The following DNER variants were observed in gnomAD, a reference collection of about 807,000 sequenced individuals.
The protein encoded by DNER is delta and Notch-like epidermal growth factor-related receptor.
In DNER, 33 loss-of-function variants were observed where a neutral mutation model predicts 78.2. The observed-to-expected ratio is 0.42, with a 90% CI of 0.32 to 0.56. The LOEUF is 0.56. Among genes scored for constraint, DNER ranks in the 20% least tolerant of loss-of-function variants. The probability of loss-of-function intolerance (pLI) is 0.11; values close to 1 mark genes in which losing one functional copy is unlikely to be tolerated. For synonymous variants in DNER, 417 were observed against 384.8 expected (o/e 1.08, Z -0.98); for missense variants, 918 against 975.3 (o/e 0.94, Z 0.78).
At chr2:229,551,410 G>C (rs1696733758) in intron 4 of DNER, among the ~76,000 whole-genome samples, 1 of 152,156 alleles carries the variant, frequency 6.6e-6, no homozygotes, top group Non-Finnish European at 1.5e-5. Context: ...GAGGCAGGTG[G>C]ATCACCTGAG....
At chr2:229,674,282 C>CT (rs1443250633) in intron 1 of DNER, among the ~76,000 whole-genome samples, 7 of 152,164 alleles carry the variant, frequency 4.6e-5, no homozygotes, top group Non-Finnish European at 8.8e-5. Context: ...CAGGACCCTT[C>CT]TTCTTTTTTG....
intron 1 of DNER, among the ~76,000 whole-genome samples, chr2:229,603,596 A>C (rs757508772): frequency 3.9e-5 from 6 of 152,204 alleles, no homozygotes; most frequent in Non-Finnish European, 7.3e-5. Context: ...CCATGCTTGA[A>C]GTCAGAAGAG....
Position 229,407,317 on chromosome 2 carries a change from G to C in DNER, c.1638C>G (p.Pro546=). ...CGTTCAGACAGCTGACGTTAGCGCA[G>C]GGATCCTTGTACAATTCACAGTGTG... The part of the protein sequence containing the change: ...KGTHCELYKD[P]CANVSCLNGA... Residue 546 remains proline, a synonymous_variant, in exon 10 of 13, where the codon CCC becomes CCG. Coordinates refer to ENST00000341772, the MANE Select transcript of DNER (RefSeq NM_139072.4). 5 of 1,613,928 alleles carry C rather than the reference G, an allele frequency of 3.1e-6. No individual in the cohort carries two copies. Among genetic ancestry groups the C allele is most frequent in the Non-Finnish European group, 4.2e-6 (5 of 1,179,848 alleles).
intron 1 of DNER, among the ~76,000 whole-genome samples, chr2:229,708,534 A>C (rs1356989687): frequency 1.3e-5 from 2 of 152,212 alleles, no homozygotes; most frequent in Admixed American, 6.5e-5. Flanking sequence ...TTCTGCAGTC[A>C]CTGCCTCTGG....
intron 8 of DNER, among the ~76,000 whole-genome samples, chr2:229,434,647 A>G (rs1011190949): frequency 1.3e-5 from 2 of 152,122 alleles, no homozygotes; most frequent in African/African-American, 4.8e-5. Context: ...GTGTGTTTTT[A>G]TTTGGTGACT....
chr2:229,561,325 A>G (rs1247122720), intron 4 of DNER, among the ~76,000 whole-genome samples: 1 of 152,162 alleles, frequency 6.6e-6, no homozygotes, highest in Non-Finnish European at 1.5e-5. Context: ...GCTCTAGGGA[A>G]AAAAATTGTA....
At chr2:229,393,156 AGT>A (rs1693053246) in intron 10 of DNER, among the ~76,000 whole-genome samples, 1 of 152,176 alleles carries the variant, frequency 6.6e-6, no homozygotes, top group Non-Finnish European at 1.5e-5. Context: ...ATAGTAGACT[AGT>A]GACTCACACC....
intron 6 of DNER, among the ~76,000 whole-genome samples, chr2:229,506,949 A>G (rs945621679): frequency 6.6e-6 from 1 of 152,178 alleles, no homozygotes; most frequent in Non-Finnish European, 1.5e-5. Flanking sequence ...TGCTAATGTC[A>G]TGGAATTTAC....
intron 6 of DNER, among the ~76,000 whole-genome samples, chr2:229,508,752 GC>G (rs1485951464): frequency 6.6e-6 from 1 of 152,086 alleles, no homozygotes; most frequent in African/African-American, 2.4e-5. Context: ...GTGGTGGCAA[GC>G]ACCTGTAGTC....
chr2:229,381,588 G>T (rs1692737594), intron 11 of DNER, among the ~76,000 whole-genome samples: 1 of 152,066 alleles, frequency 6.6e-6, no homozygotes, highest in African/African-American at 2.4e-5. Flanking sequence ...GAAGCTTGGT[G>T]GGGGGAGGGG....
intron 11 of DNER, among the ~76,000 whole-genome samples, chr2:229,371,563 A>G (rs916259948): frequency 6.6e-6 from 1 of 152,240 alleles, no homozygotes; most frequent in Non-Finnish European, 1.5e-5. Context: ...TGCATTAAGC[A>G]TTTCAGTTGG....
intron 1 of DNER, among the ~76,000 whole-genome samples, chr2:229,678,601 C>T (rs17484908): frequency 0.42 from 64,175 of 152,024 alleles, 15,375 homozygotes; most frequent in Non-Finnish European, 0.56. Flanking sequence ...TTGTGTGTTG[C>T]AAAAGCTAGA....
At chr2:229,710,999 A>ACACACACT (rs1699904664) in intron 1 of DNER, among the ~76,000 whole-genome samples, 1 of 151,394 alleles carries the variant, frequency 6.6e-6, no homozygotes, top group Admixed American at 6.6e-5. Context: ...ACACACACAC[A>ACACACACT]CACACACACA....
chr2:229,404,877 T>C (rs1693346863), intron 10 of DNER, among the ~76,000 whole-genome samples: 1 of 152,172 alleles, frequency 6.6e-6, no homozygotes, highest in African/African-American at 2.4e-5. Context: ...TCTTGATATA[T>C]AGAATCTTTC....
chr2:229,369,322 CT>C (rs1478124189), intron 11 of DNER, among the ~76,000 whole-genome samples: 2 of 146,756 alleles, frequency 1.4e-5, no homozygotes, highest in African/African-American at 2.5e-5. Context: ...AAAGTTTTAA[CT>C]TTCTAAAAAG....
intron 5 of DNER, among the ~76,000 whole-genome samples, chr2:229,518,601 C>T (rs2154212497): frequency 6.6e-6 from 1 of 152,334 alleles, no homozygotes; most frequent in African/African-American, 2.4e-5. Flanking sequence ...CCTTCCTCCA[C>T]ACAGTCAAGC....
chr2:229,412,281 T>C (rs754861603), intron 9 of DNER, among the ~76,000 whole-genome samples: 87 of 152,236 alleles, frequency 5.7e-4, no homozygotes, highest in Non-Finnish European at 9.6e-4. Context: ...AACAATTCCA[T>C]AATCTACAGT....
chr2:229,640,989 G>A (rs1011769155), intron 1 of DNER, among the ~76,000 whole-genome samples: 20 of 152,190 alleles, frequency 1.3e-4, no homozygotes, highest in African/African-American at 4.6e-4. Context: ...AGCAGGAAGA[G>A]AAGGTGGAAA....
At chr2:229,569,092 C>T (rs2894686) in intron 4 of DNER, among the ~76,000 whole-genome samples, 145,802 of 152,108 alleles carry the variant, frequency 0.96, 70,214 homozygotes, top group Middle Eastern at 1. Context: ...TATGTGTGTG[C>T]CTATGGATGG....
Sources: gnomAD v4.1 joint callset for allele counts (sites outside exome capture counted in the v4.1 genomes callset) on GRCh38, gnomAD v4.1.1 for gene constraint, MANE v1.5 for transcripts, NCBI Gene and HGNC (gene_info 2026-07-23, HGNC 2026-07-21) for gene names.